The following LUZP2 variants were observed in gnomAD, a reference collection of about 807,000 sequenced individuals.
LUZP2 encodes leucine zipper protein 2.
A neutral mutation model predicts 51.6 loss-of-function variants in LUZP2; 52 were observed. That is an observed-to-expected ratio of 1.01 (90% CI 0.81 to 1.27). The LOEUF is 1.27. Ranked by LOEUF, LUZP2 falls within the 50% of genes most tolerant of loss-of-function variation. LUZP2 has a pLI of 0.00. For missense variants in LUZP2, 436 were observed against 395.4 expected (o/e 1.10, Z -0.87); for synonymous variants, 154 against 137.3 (o/e 1.12, Z -0.85).
chr11:24,788,356 A>T (rs1318750014), intron 5 of LUZP2, among the ~76,000 whole-genome samples: 1 of 151,490 alleles, frequency 6.6e-6, no homozygotes, highest in East Asian at 2.0e-4. Context: ...TACCCAGCTA[A>T]TTTTTGTATT....
intron 1 of LUZP2, among the ~76,000 whole-genome samples, chr11:24,633,661 T>G (rs958623922): frequency 6.6e-6 from 1 of 152,080 alleles, no homozygotes; most frequent in Admixed American, 6.6e-5. Flanking sequence ...TATAAAAAGT[T>G]TTATAGAGAA....
intron 5 of LUZP2, among the ~76,000 whole-genome samples, chr11:24,796,941 G>A (rs143262316): frequency 6.6e-6 from 1 of 152,176 alleles, no homozygotes; most frequent in East Asian, 1.9e-4. Context: ...GGAGGGCGAG[G>A]TTTGGAGACA....
intron 5 of LUZP2, among the ~76,000 whole-genome samples, chr11:24,875,647 T>G: frequency 6.7e-6 from 1 of 150,348 alleles, no homozygotes; most frequent in South Asian, 2.1e-4. Flanking sequence ...CAAATGGTAT[T>G]TCTAGTTCTA....
At chr11:24,804,558 G>C (rs765234377) in intron 5 of LUZP2, among the ~76,000 whole-genome samples, 14 of 152,124 alleles carry the variant, frequency 9.2e-5, no homozygotes, top group Admixed American at 2.6e-4. Context: ...TGATCTAATG[G>C]TAACAAACTG....
chr11:24,966,511 T>A (rs1342897356), intron 7 of LUZP2, among the ~76,000 whole-genome samples: 5 of 150,460 alleles, frequency 3.3e-5, no homozygotes, highest in Admixed American at 3.3e-4. Context: ...GATTTATGTT[T>A]GAGCTTTTAC....
chr11:24,761,253 G>A (rs1859967680), intron 4 of LUZP2, among the ~76,000 whole-genome samples: 1 of 152,094 alleles, frequency 6.6e-6, no homozygotes, highest in Non-Finnish European at 1.5e-5. Flanking sequence ...GGAGTAGGCA[G>A]CTTCACATGG....
At chr11:25,030,002 A>G (rs1209233610) in intron 9 of LUZP2, among the ~76,000 whole-genome samples, 3 of 152,156 alleles carry the variant, frequency 2.0e-5, no homozygotes, top group Admixed American at 6.5e-5. Flanking sequence ...TTTACCAACC[A>G]ACATAACCAC....
intron 5 of LUZP2, among the ~76,000 whole-genome samples, chr11:24,842,706 T>G (rs1361754799): frequency 6.6e-6 from 1 of 151,980 alleles, no homozygotes. Flanking sequence ...AATAAAAATT[T>G]TAATTACCTA....
At chr11:24,921,847 A>G (rs1475789210) in intron 7 of LUZP2, among the ~76,000 whole-genome samples, 1 of 152,040 alleles carries the variant, frequency 6.6e-6, no homozygotes, top group Non-Finnish European at 1.5e-5. Flanking sequence ...AGTACCGTAT[A>G]TATTTAGCGT....
At chr11:24,859,556 C>G (rs1851670740) in intron 5 of LUZP2, among the ~76,000 whole-genome samples, 1 of 145,382 alleles carries the variant, frequency 6.9e-6, no homozygotes, top group Non-Finnish European at 1.5e-5. Context: ...AGGGGTGGGA[C>G]CAAAATGGCA....
chr11:24,765,877 A>G (rs981029872), intron 5 of LUZP2, among the ~76,000 whole-genome samples: 8 of 151,948 alleles, frequency 5.3e-5, no homozygotes, highest in Non-Finnish European at 1.0e-4. Flanking sequence ...CCGCCTGCCT[A>G]GGCCTCCCAA....
intron 1 of LUZP2, among the ~76,000 whole-genome samples, chr11:24,523,340 T>A (rs1850702254): frequency 6.6e-6 from 1 of 151,594 alleles, no homozygotes; most frequent in African/African-American, 2.4e-5. Context: ...GTAGAAAATG[T>A]AAAAAAATGC....
intron 1 of LUZP2, among the ~76,000 whole-genome samples, chr11:24,686,646 T>C (rs140310962): frequency 6.6e-6 from 1 of 152,344 alleles, no homozygotes; most frequent in African/African-American, 2.4e-5. Flanking sequence ...ATAAAGGGAA[T>C]ACCTACTAAT....
At chr11:24,668,633 CAA>C (rs1590323425) in intron 1 of LUZP2, among the ~76,000 whole-genome samples, 2 of 152,120 alleles carry the variant, frequency 1.3e-5, no homozygotes, top group East Asian at 3.9e-4. Flanking sequence ...TTCCACATGG[CAA>C]AGAGTCATAC....
intron 1 of LUZP2, among the ~76,000 whole-genome samples, chr11:24,504,884 GTGAC>G (rs1175166877): frequency 6.6e-6 from 1 of 152,088 alleles, no homozygotes; most frequent in African/African-American, 2.4e-5. Flanking sequence ...ACCCATTTCT[GTGAC>G]AGAATGCATT....
At chr11:24,499,741 G>A (rs1258022566) in intron 1 of LUZP2, among the ~76,000 whole-genome samples, 1 of 151,868 alleles carries the variant, frequency 6.6e-6, no homozygotes, top group Non-Finnish European at 1.5e-5. Context: ...AAAGTGTAGG[G>A]AATGCAGAGC....
chr11:24,870,314 G>A (rs572415029), intron 5 of LUZP2, among the ~76,000 whole-genome samples: 52 of 152,210 alleles, frequency 3.4e-4, no homozygotes, highest in African/African-American at 1.1e-3. Flanking sequence ...GAATGCTTAT[G>A]AAATGTTTTG....
chr11:24,855,216 C>T (rs1271657358), intron 5 of LUZP2, among the ~76,000 whole-genome samples: 1 of 151,986 alleles, frequency 6.6e-6, no homozygotes, highest in East Asian at 1.9e-4. Context: ...GAAATTAGAC[C>T]TAGAAAACTC....
chr11:24,642,037 A>G (rs1029240437), intron 1 of LUZP2, among the ~76,000 whole-genome samples: 1 of 151,642 alleles, frequency 6.6e-6, no homozygotes, highest in African/African-American at 2.4e-5. Context: ...CTACAGGTGC[A>G]TGCCTTCACA....
Sources: allele counts gnomAD v4.1 joint callset (sites outside exome capture counted in the v4.1 genomes callset), GRCh38; gene constraint gnomAD v4.1.1; transcripts MANE v1.5; gene names NCBI Gene and HGNC (gene_info 2026-07-23, HGNC 2026-07-21).